Variants in HTR4 observed in about 807,000 individuals in gnomAD.
HTR4 encodes the protein 5-hydroxytryptamine receptor 4, also known as 5-hydroxytryptamine (serotonin) receptor 4, G protein-coupled.
In HTR4, 16 loss-of-function variants were observed where a neutral mutation model predicts 36.8. The ratio of observed to expected loss-of-function variants is 0.43; its 90% CI spans 0.29 to 0.66. The LOEUF (loss-of-function observed/expected upper bound fraction) is 0.66, where lower values mean the gene tolerates loss of function less well. Among genes scored for constraint, HTR4 ranks in the 30% least tolerant of loss-of-function variants. HTR4 has a pLI of 0.13. For synonymous variants in HTR4, 189 were observed against 185.1 expected (o/e 1.02, Z -0.17); for missense variants, 438 against 490.9 (o/e 0.89, Z 1.02).
At chr5:148,471,365 A>G (rs1039003108) in intron 5 of HTR4, among the ~76,000 whole-genome samples, 1 of 152,198 alleles carries the variant, frequency 6.6e-6, no homozygotes, top group Non-Finnish European at 1.5e-5. Flanking sequence ...TTCTGATTGA[A>G]TTCAATCATT....
In HTR4 at chr5:148,603,867, A is replaced by C. The variant is rs539394573; in HGVS notation, c.26+33122T>G. Among the ~76,000 whole-genome samples the C allele has an allele frequency of 2.0e-5, 3 of 152,174 alleles. No homozygotes were observed. In the South Asian group the frequency reaches 6.2e-4, roughly 32 times the overall value. ...CTAACAAACCAAAGGGACAAATAGG[A>C]TTTGGAAATAGCCCCACCCGTAATC... is the stretch of plus-strand genomic sequence containing the variant. On this transcript the variant is annotated intron_variant, in intron 2 of 6. Transcript: ENST00000377888.
intron 2 of HTR4, among the ~76,000 whole-genome samples, chr5:148,582,222 T>C (rs1453251798): frequency 6.6e-6 from 1 of 152,130 alleles, no homozygotes; most frequent in Non-Finnish European, 1.5e-5. Flanking sequence ...TTATTAGTTC[T>C]AACCTTTTTT....
intron 2 of HTR4, among the ~76,000 whole-genome samples, chr5:148,570,276 A>T (rs762288110): frequency 6.6e-6 from 1 of 151,958 alleles, no homozygotes; most frequent in Non-Finnish European, 1.5e-5. Context: ...TTGATAGTCC[A>T]CTCTATTTCA....
chr5:148,540,171 G>A (rs1759034426), intron 4 of HTR4, among the ~76,000 whole-genome samples: 2 of 151,530 alleles, frequency 1.3e-5, no homozygotes, highest in South Asian at 2.1e-4. Context: ...GCTAAATGAC[G>A]AGAACTCATG....
At chr5:148,591,280 C>T (rs1761558774) in intron 2 of HTR4, among the ~76,000 whole-genome samples, 1 of 152,010 alleles carries the variant, frequency 6.6e-6, no homozygotes. Context: ...CATCTTTGTT[C>T]TTTTTGCTAA....
chr5:148,549,127 T>G (rs1759548451), intron 3 of HTR4, among the ~76,000 whole-genome samples: 1 of 152,154 alleles, frequency 6.6e-6, no homozygotes, highest in South Asian at 2.1e-4. Flanking sequence ...CCAAAACCTC[T>G]TTTTTCCTCC....
chr5:148,610,414 C>A (rs1290471878), intron 2 of HTR4, among the ~76,000 whole-genome samples: 2 of 152,190 alleles, frequency 1.3e-5, no homozygotes, highest in Non-Finnish European at 2.9e-5. Context: ...CCAGCAGGGG[C>A]ACACTGACAC....
chr5:148,608,574 C>T (rs930952607), intron 2 of HTR4, among the ~76,000 whole-genome samples: 1 of 152,216 alleles, frequency 6.6e-6, no homozygotes, highest in East Asian at 1.9e-4. Context: ...ATCACAAAAG[C>T]CTTTAACAGC....
intron 2 of HTR4, among the ~76,000 whole-genome samples, chr5:148,631,655 T>C (rs1418173401): frequency 6.6e-6 from 1 of 152,172 alleles, no homozygotes; most frequent in African/African-American, 2.4e-5. Context: ...CTTTTCTGTT[T>C]AAAAAATTTC....
At chr5:148,578,123 A>T (rs965910252) in intron 2 of HTR4, among the ~76,000 whole-genome samples, 1 of 152,174 alleles carries the variant, frequency 6.6e-6, no homozygotes, top group African/African-American at 2.4e-5. Context: ...AGCAAATGCA[A>T]CAGAATGATA....
intron 5 of HTR4, among the ~76,000 whole-genome samples, chr5:148,457,853 TATC>T (rs1287735710): frequency 5.9e-4 from 83 of 141,154 alleles, no homozygotes; most frequent in African/African-American, 1.8e-3. Flanking sequence ...ATCATTAAAA[TATC>T]ATATATTTTG....
intron 5 of HTR4, among the ~76,000 whole-genome samples, chr5:148,522,548 G>A (rs923544263): frequency 1.3e-5 from 2 of 152,118 alleles, no homozygotes; most frequent in Non-Finnish European, 2.9e-5. Flanking sequence ...ATACTCTCTG[G>A]CATACAGGCA....
At chr5:148,544,662 A>C (rs1487607161) in intron 4 of HTR4, among the ~76,000 whole-genome samples, 2 of 152,208 alleles carry the variant, frequency 1.3e-5, no homozygotes, top group African/African-American at 4.8e-5. Flanking sequence ...TATATGGTGC[A>C]TTTATTTTAA....
At chr5:148,569,409 T>G (rs1391989878) in intron 2 of HTR4, among the ~76,000 whole-genome samples, 2 of 152,028 alleles carry the variant, frequency 1.3e-5, no homozygotes, top group Non-Finnish European at 2.9e-5. Flanking sequence ...ATGTGAGGCT[T>G]AATGCCTATG....
At chr5:148,466,885 G>A (rs1018026737) in intron 5 of HTR4, among the ~76,000 whole-genome samples, 1 of 151,940 alleles carries the variant, frequency 6.6e-6, no homozygotes, top group African/African-American at 2.4e-5. Context: ...GATATGCCTT[G>A]GTATCCTGAA....
intron 2 of HTR4, among the ~76,000 whole-genome samples, chr5:148,616,010 G>A (rs1164968082): frequency 1.3e-5 from 2 of 152,068 alleles, no homozygotes; most frequent in Admixed American, 1.3e-4. Context: ...TAAAATAAAG[G>A]ACAAGACTTT....
intron 5 of HTR4, among the ~76,000 whole-genome samples, chr5:148,512,750 G>T (rs1005296325): frequency 5.9e-5 from 9 of 152,088 alleles, no homozygotes; most frequent in African/African-American, 1.9e-4. Flanking sequence ...GGCCAACACG[G>T]CAAAACACTG....
chr5:148,553,232 G>A (rs1759783415), intron 2 of HTR4, among the ~76,000 whole-genome samples: 1 of 152,180 alleles, frequency 6.6e-6, no homozygotes, highest in South Asian at 2.1e-4. Context: ...ATATCTAGGA[G>A]GGTAAGGAGG....
intron 4 of HTR4, among the ~76,000 whole-genome samples, chr5:148,539,065 A>T (rs1758975856): frequency 6.6e-6 from 1 of 152,186 alleles, no homozygotes; most frequent in South Asian, 2.1e-4. Flanking sequence ...GGTCAGAGAT[A>T]AGACCACACA....
Sources: gnomAD v4.1 joint callset for allele counts (sites outside exome capture counted in the v4.1 genomes callset) on GRCh38, gnomAD v4.1.1 for gene constraint, MANE v1.5 for transcripts, NCBI Gene and HGNC (gene_info 2026-07-23, HGNC 2026-07-21) for gene names.